C5: variants seen among roughly 807,000 people sequenced by gnomAD.
The protein encoded by C5 is C3 and PZP-like alpha-2-macroglobulin domain-containing protein 4.
In C5, 140 loss-of-function variants were observed where a neutral mutation model predicts 218.8. That is an observed-to-expected ratio of 0.64 (90% CI 0.56 to 0.74). C5 has a LOEUF of 0.74. Ranked by LOEUF, C5 falls within the 30% of genes least tolerant of loss-of-function variation. The pLI, the probability that C5 is intolerant of heterozygous loss-of-function variation, is 0.00. For missense variants in C5, 1,700 were observed against 1,969.6 expected, an observed-to-expected ratio of 0.86 and a Z score of 2.59; for synonymous variants, 614 against 682.3, an observed-to-expected ratio of 0.90 and a Z score of 1.56.
In C5 at chr9:120,974,859, T is replaced by C. The variant is rs1250249965; in HGVS notation, c.3937A>G (p.Ile1313Val). 19 of 1,613,918 alleles carry C rather than the reference T, an allele frequency of 1.2e-5. No homozygotes were observed. Among genetic ancestry groups the C allele is most frequent in the Non-Finnish European group, 1.6e-5 (19 of 1,179,768 alleles). Residue 1313 changes from isoleucine (I) to valine (V), a missense_variant, in exon 30 of 41, where the codon ATC becomes GTC. Transcript: ENST00000223642. ...CCTTTATGCTTGTAAGAAACATCGATGTCCATACTCAAGCGGAGTTGTTTA... is the reference window on the plus strand; with the variant it reads ...CCTTTATGCTTGTAAGAAACATCGACGTCCATACTCAAGCGGAGTTGTTTA... ...LVKQLRLSMDIDVSYKHKGAL... is the reference protein window; with the variant it reads ...LVKQLRLSMDVDVSYKHKGAL...
At chr9:120,971,909 G>A in intron 31 of C5, 21 bp downstream of exon 31, 1 of 1,567,972 alleles carries the variant, frequency 6.4e-7, no homozygotes, top group African/African-American at 1.3e-5. Flanking sequence ...ACTCGTTATT[G>A]GATATCAATT....
the C5 span, among the ~76,000 whole-genome samples, chr9:121,063,715 G>T: frequency 6.6e-6 from 1 of 152,096 alleles, no homozygotes; most frequent in Admixed American, 6.6e-5. Context: ...ATGCTGTAGT[G>T]GCAATGTGCA....
At chr9:121,021,941 C>T (rs1390271640) in intron 10 of C5, among the ~76,000 whole-genome samples, 1 of 151,822 alleles carries the variant, frequency 6.6e-6, no homozygotes, top group Non-Finnish European at 1.5e-5. Flanking sequence ...CCACCTCAGC[C>T]TCCCAAGTAG....
chr9:120,997,902 A>G, intron 20 of C5, 128 bp from the exon 21 acceptor site: 1 of 719,674 alleles, frequency 1.4e-6, no homozygotes, highest in South Asian at 1.7e-5. Context: ...TCCCGGATTC[A>G]AGCAATTCTC....
intron 20 of C5, 152 bp downstream of exon 20, chr9:121,005,767 C>T: frequency 1.4e-6 from 1 of 721,570 alleles, no homozygotes; most frequent in Non-Finnish European, 2.4e-6. Context: ...CACATCCCTA[C>T]ACATATAGTA....
chr9:120,953,918 C>T, intron 39 of C5, 50 bp from the exon 40 acceptor site: 1 of 1,600,088 alleles, frequency 6.2e-7, no homozygotes, highest in Non-Finnish European at 8.6e-7. Flanking sequence ...GTTTTAATGT[C>T]ACAATTATAA....
Position 120,980,180 on chromosome 9 carries a change from T to C in C5, c.3561A>G (p.Thr1187=), listed in dbSNP as rs1259512933. The change falls in exon 28 of 41, where the codon ACA becomes ACG. Residue 1187 remains threonine, a synonymous_variant. Coordinates refer to ENST00000223642, the MANE Select transcript of C5 (RefSeq NM_001735.3). The part of the protein sequence containing the change: ...ENTLPAQSTF[T]LAISAYALSL... ...AAAGAGCATACGCAGAAATGGCCAA[T>C]GTAAAGGTGCTCTGGGCTGGCAGTG... The C allele has an allele frequency of 1.2e-6, 2 of 1,613,962 alleles. No individual in the cohort carries two copies. The highest frequency in any genetic ancestry group is 8.5e-7 in the Non-Finnish European group (1 of 1,179,948).
At chr9:121,048,601 T>C (rs745832265) in intron 1 of C5, among the ~76,000 whole-genome samples, 8 of 152,218 alleles carry the variant, frequency 5.3e-5, no homozygotes, top group Non-Finnish European at 7.3e-5. Context: ...TATGTGATGG[T>C]AGCCGTCAAG....
At chr9:121,019,909 T>C (rs2047348003) in intron 12 of C5, 67 bp downstream of exon 12, 3 of 1,011,098 alleles carry the variant, frequency 3.0e-6, no homozygotes, top group Non-Finnish European at 4.7e-6. Context: ...TTCTAATGCC[T>C]CTCTAGAGGC....
At chr9:120,997,224 T>C (rs918878361) in intron 21 of C5, among the ~76,000 whole-genome samples, 3 of 152,176 alleles carry the variant, frequency 2.0e-5, no homozygotes, top group Admixed American at 2.0e-4. Context: ...TGTACCTGTA[T>C]ACCAAAAAAA....
chr9:121,000,323 C>T (rs1057244436), intron 20 of C5, among the ~76,000 whole-genome samples: 1 of 152,078 alleles, frequency 6.6e-6, no homozygotes, highest in Non-Finnish European at 1.5e-5. Flanking sequence ...GTTTATCTGG[C>T]AGAGTAAATG....
the C5 span, chr9:121,074,795 C>T: frequency 1.8e-5 from 8 of 455,086 alleles, no homozygotes; most frequent in Admixed American, 1.2e-4. Context: ...ATCCCGTCGG[C>T]CCCGCGCGGC....
At chr9:120,982,279 C>T (rs2047000406) in intron 26 of C5, among the ~76,000 whole-genome samples, 1 of 152,148 alleles carries the variant, frequency 6.6e-6, no homozygotes, top group Non-Finnish European at 1.5e-5. Context: ...CAAAGTGCTG[C>T]AATTACAGGC....
At chr9:121,033,592 T>C (rs1052371460) in intron 5 of C5, among the ~76,000 whole-genome samples, 1 of 152,240 alleles carries the variant, frequency 6.6e-6, no homozygotes, top group African/African-American at 2.4e-5. Flanking sequence ...CAAGATGAAG[T>C]TGGAGAAATG....
intron 3 of C5, among the ~76,000 whole-genome samples, chr9:121,041,685 T>C (rs1256770594): frequency 6.6e-6 from 1 of 152,138 alleles, no homozygotes; most frequent in African/African-American, 2.4e-5. Context: ...GACCCTTAGT[T>C]GTGGGACGTG....
chr9:120,953,239 G>C (rs940040114), intron 40 of C5, among the ~76,000 whole-genome samples: 1 of 152,048 alleles, frequency 6.6e-6, no homozygotes, highest in Non-Finnish European at 1.5e-5. Context: ...TATTTTATAA[G>C]AGCCCAGCTG....
chr9:121,025,447 C>CACACAT lies in C5; in HGVS notation c.1000+6_1000+7insATGTGT. On this transcript the variant is annotated splice_region_variant and intron_variant, in intron 9 of 40. Transcript: ENST00000223642. ...ACACACACACACACACACACACACA[C>CACACAT]ACTTACCTGTAGACTCTATGACTGT... 6.2e-7 allele frequency: 1 copy of CACACAT among 1,607,706 alleles called. No homozygotes were observed. Among genetic ancestry groups the CACACAT allele is most frequent in the Non-Finnish European group, 8.5e-7 (1 of 1,177,472 alleles).
Position 121,016,349 on chromosome 9 carries a change from C to A in C5, c.1901G>T (p.Cys634Phe), listed in dbSNP as rs752464969. 1.3e-5 allele frequency: 21 copies of A among 1,613,956 alleles called. No homozygotes were observed. Among genetic ancestry groups the A allele is most frequent in the African/African-American group, 2.7e-5 (2 of 74,906 alleles). The change falls in exon 15 of 41, where the codon TGT becomes TTT. Residue 634 changes from cysteine to phenylalanine, a missense_variant. By Grantham distance (205) the Cys-to-Phe change is radical. Coordinates refer to ENST00000223642, the MANE Select transcript of C5 (RefSeq NM_001735.3). ...FQFLEKSDLG[C>F]GAGGGLNNAN... ...ATTGTTGAGGCCACCACCTGCCCCA[C>A]AGCCCAGATCACTCTTCTCTAAGAA... is the stretch of plus-strand genomic sequence containing the variant.
At chr9:120,986,692 C>T (rs1003919450) in intron 25 of C5, among the ~76,000 whole-genome samples, 1 of 145,858 alleles carries the variant, frequency 6.9e-6, no homozygotes, top group East Asian at 1.9e-4. Context: ...TTCATTGACA[C>T]TCACTCCCAC....
Sources: allele counts gnomAD v4.1 joint callset (sites outside exome capture counted in the v4.1 genomes callset), GRCh38; gene constraint gnomAD v4.1.1; transcripts MANE v1.5; gene names NCBI Gene and HGNC (gene_info 2026-07-23, HGNC 2026-07-21).